The following TANGO2 variants were observed in gnomAD, a reference collection of about 807,000 sequenced individuals.
TANGO2 encodes the protein transport and Golgi organization protein 2 homolog.
Under a neutral mutation model 39.1 loss-of-function variants are expected in TANGO2, and 26 were observed. The ratio of observed to expected loss-of-function variants is 0.67; its 90% CI spans 0.49 to 0.92. TANGO2 has a LOEUF of 0.92. TANGO2 is among the 40% of genes least tolerant of loss of function. The pLI, the probability that TANGO2 is intolerant of heterozygous loss-of-function variation, is 0.00. For missense variants in TANGO2, 326 were observed against 360.1 expected (o/e 0.91, Z 0.77); for synonymous variants, 131 against 144.5 (o/e 0.91, Z 0.67).
chr22:20,022,398 G>A (rs2039881917), intron 1 of TANGO2, among the ~76,000 whole-genome samples: 1 of 152,174 alleles, frequency 6.6e-6, no homozygotes, highest in Admixed American at 6.5e-5. Flanking sequence ...GGATCCTAGT[G>A]CTCTGGTGGT....
chr22:20,036,212 C>A (rs902677046), intron 1 of TANGO2, among the ~76,000 whole-genome samples: 1 of 152,090 alleles, frequency 6.6e-6, no homozygotes, highest in Admixed American at 6.5e-5. Context: ...AGGCGACGTC[C>A]GGGAAAATTG....
At chr22:20,026,352 C>T (rs1379834164) in intron 1 of TANGO2, among the ~76,000 whole-genome samples, 7 of 151,158 alleles carry the variant, frequency 4.6e-5, no homozygotes, top group East Asian at 1.9e-4. Context: ...GAGCTGAGAT[C>T]GCGCCGTTGA....
At chr22:20,034,192 C>CG (rs1290613689) in intron 1 of TANGO2, among the ~76,000 whole-genome samples, 3 of 125,490 alleles carry the variant, frequency 2.4e-5, no homozygotes, top group Non-Finnish European at 5.2e-5. Context: ...GGAGCAAAAA[C>CG]AAAACAACAA....
At chr22:20,045,499 CTTT>C (rs695487) in intron 3 of TANGO2, among the ~76,000 whole-genome samples, 8,046 of 112,388 alleles carry the variant, frequency 0.072, 198 homozygotes, top group South Asian at 0.1. Flanking sequence ...GCCATCACTT[CTTT>C]TTTTTTTTTT....
At chr22:20,024,447 C>T (rs1253781485) in intron 1 of TANGO2, among the ~76,000 whole-genome samples, 1 of 152,182 alleles carries the variant, frequency 6.6e-6, no homozygotes, top group Non-Finnish European at 1.5e-5. Context: ...TCTGTGTCTG[C>T]CTTTGAAAAG....
chr22:20,046,164 G>C (rs1328309745), intron 3 of TANGO2, among the ~76,000 whole-genome samples: 1 of 149,478 alleles, frequency 6.7e-6, no homozygotes, highest in African/African-American at 2.5e-5. Flanking sequence ...CTTTTTTTTT[G>C]AGATAGGGTC....
At chr22:20,059,888 C>T (rs1215483194) in intron 6 of TANGO2, among the ~76,000 whole-genome samples, 1 of 151,982 alleles carries the variant, frequency 6.6e-6, no homozygotes, top group Non-Finnish European at 1.5e-5. Context: ...GAAGCTTTCC[C>T]CAATACTTTC....
At position 20,043,393 on chromosome 22, in the gene TANGO2, G is replaced by GA; in HGVS notation, c.96dup (p.Pro33ThrfsTer6). The GA allele has an allele frequency of 6.2e-7, 1 of 1,613,624 alleles. No homozygotes were observed. The highest frequency in any genetic ancestry group is 8.5e-7 in the Non-Finnish European group (1 of 1,179,638). ...GCCAACAGGGATGAATTCTACAGCCGACCCTCCAAGTTAGCTGACTTCTGG... is the reference window on the plus strand; with the variant it reads ...GCCAACAGGGATGAATTCTACAGCCGAACCCTCCAAGTTAGCTGACTTCTGG... On this transcript the variant is annotated frameshift_variant, in exon 3 of 9. Coordinates refer to ENST00000327374, the MANE Select transcript of TANGO2 (RefSeq NM_152906.7). LOFTEE classifies it high-confidence loss of function.
chr22:20,043,584 C>T (rs575467944), intron 3 of TANGO2, 141 bp downstream of exon 3: 8 of 608,668 alleles, frequency 1.3e-5, no homozygotes, highest in Admixed American at 6.0e-5. Flanking sequence ...GGCTCGTGGT[C>T]GGGGCCAGCC....
At chr22:20,063,164 G>A in intron 7 of TANGO2, 174 bp from the exon 8 acceptor site, 2 of 575,206 alleles carry the variant, frequency 3.5e-6, no homozygotes, top group Non-Finnish European at 6.2e-6. Context: ...CTCAAAAAAA[G>A]AAAATAAGAG....
chr22:20,061,811 G>A, intron 7 of TANGO2, 128 bp downstream of exon 7: 2 of 1,223,388 alleles, frequency 1.6e-6, no homozygotes, highest in Non-Finnish European at 2.2e-6. Flanking sequence ...CAGGGAAGCT[G>A]ATGGATATCC....
In TANGO2 at chr22:20,057,629, CTT is replaced by C. The variant is rs781616651; in HGVS notation, c.451+1617_451+1618del. Among the ~76,000 whole-genome samples, 53 of 152,212 alleles carry C rather than the reference CTT, an allele frequency of 3.5e-4. No homozygotes were observed. Among genetic ancestry groups the C allele is most frequent in the Non-Finnish European group, 6.0e-4 (41 of 68,032 alleles). Reference sequence around the variant, plus strand: ...GGATGTGGCCCCAGAAGGTCCTGAGCTTGCAAAGGATTGTTCTGGCTGTCTCA... The same window carrying C: ...GGATGTGGCCCCAGAAGGTCCTGAGCGCAAAGGATTGTTCTGGCTGTCTCA... On this transcript the variant is annotated intron_variant, in intron 6 of 8. Transcript: ENST00000327374. The surrounding 1 kb of genome is among the most constrained non-coding windows in gnomAD (Gnocchi z 4.1).
chr22:20,056,850 C>A, intron 6 of TANGO2: 1 of 456,710 alleles, frequency 2.2e-6, no homozygotes, highest in South Asian at 1.5e-5. Context: ...ACACTCCTCG[C>A]TGGTGGCATC....
chr22:20,031,966 T>C (rs915951221), intron 1 of TANGO2, among the ~76,000 whole-genome samples: 7 of 152,138 alleles, frequency 4.6e-5, no homozygotes, highest in African/African-American at 1.7e-4. Context: ...CTTCTTCACC[T>C]CTAGCCCAAC....
intron 3 of TANGO2, among the ~76,000 whole-genome samples, chr22:20,044,217 C>A (rs2044621258): frequency 6.6e-6 from 1 of 152,202 alleles, no homozygotes; most frequent in Non-Finnish European, 1.5e-5. Flanking sequence ...GCTGTGTGTG[C>A]CCTGTGCTGC....
At chr22:20,038,842 G>A (rs962265079) in intron 2 of TANGO2, among the ~76,000 whole-genome samples, 5 of 152,066 alleles carry the variant, frequency 3.3e-5, no homozygotes, top group African/African-American at 1.2e-4. Context: ...ACTTTGGGAG[G>A]CCTCGTACAG....
At chr22:20,056,265 G>A (rs796946370) in intron 6 of TANGO2, 22 of 664,680 alleles carry the variant, frequency 3.3e-5, no homozygotes, top group African/African-American at 2.5e-4. Flanking sequence ...GCTTCCCACC[G>A]CAGCCCTGCA....
At position 20,038,925 on chromosome 22, in the gene TANGO2, GTT is replaced by G. The variant is rs11361190; in HGVS notation, c.56+2082_56+2083del. Among the ~76,000 whole-genome samples, 103 of 142,780 alleles carry G rather than the reference GTT, an allele frequency of 7.2e-4. 1 individual carries two copies. The highest frequency in any genetic ancestry group is 8.3e-4 in the African/African-American group (33 of 39,906). The allele number at this position is 142,780 out of a possible 152,430, so 93.7% of individuals were successfully genotyped here. A position where few individuals can be genotyped will look rare whatever the true frequency, so the allele number is the denominator to read the frequency against. On this transcript the variant is annotated intron_variant, in intron 2 of 8. Transcript: ENST00000327374. ...AAAGTAGGGTGCTTTAGGCCACTAT[GTT>G]TTTTTTTTTTATTATTATTATTATT...
rs750710547 is a variant in TANGO2 at position 20,056,001 on chromosome 22, G to A, written c.439G>A (p.Val147Ile). 47 of 1,613,948 alleles carry A rather than the reference G, an allele frequency of 2.9e-5. No individual in the cohort carries two copies. Among genetic ancestry groups the A allele is most frequent in the Non-Finnish European group, 3.6e-5 (43 of 1,179,900 alleles). ...YGNRGEPDPI[V>I]LTPGTYGLSN... Reference sequence around the variant, plus strand: ...GAACCGAGGGGAGCCTGATCCTATCGTTTTGACGCCAGGTGAGCCTGCCCT... The same window carrying A: ...GAACCGAGGGGAGCCTGATCCTATCATTTTGACGCCAGGTGAGCCTGCCCT... Residue 147 changes from valine to isoleucine, a missense_variant, in exon 6 of 9, where the codon GTT (valine) becomes ATT (isoleucine). By Grantham distance (29) the Val-to-Ile change is conservative. Transcript: ENST00000327374.
Sources: allele counts gnomAD v4.1 joint callset (sites outside exome capture counted in the v4.1 genomes callset), GRCh38; gene constraint gnomAD v4.1.1; non-coding constraint Gnocchi (gnomAD v3.1); transcripts MANE v1.5; gene names NCBI Gene and HGNC (gene_info 2026-07-23, HGNC 2026-07-21).